NOTCH3: variants seen among roughly 807,000 people sequenced by gnomAD.
NOTCH3 encodes the protein neurogenic locus notch homolog protein 3.
NOTCH3 carries 86 observed loss-of-function variants against 213.3 expected under a neutral mutation model. The ratio of observed to expected loss-of-function variants is 0.40; its 90% CI spans 0.34 to 0.48. The LOEUF (loss-of-function observed/expected upper bound fraction) is 0.48, where lower values mean the gene tolerates loss of function less well. NOTCH3 is among the 20% of genes least tolerant of loss of function. The pLI, the probability that NOTCH3 is intolerant of heterozygous loss-of-function variation, is 0.57. For missense variants in NOTCH3, 2,783 were observed against 3,272.6 expected (o/e 0.85, Z 3.65); for synonymous variants, 1,354 against 1,355.9 (o/e 1.00, Z 0.03).
Position 15,165,232 on chromosome 19 carries a change from G to A in NOTCH3, c.5815+136C>T, listed in dbSNP as rs535934597. The A allele has an allele frequency of 1.1e-6, 1 of 921,406 alleles. No individual in the cohort carries two copies. Among genetic ancestry groups the A allele is most frequent in the African/African-American group, 1.6e-5 (1 of 61,920 alleles). The allele number at this position is 921,406 out of a possible 1,614,324, so 57.1% of individuals were successfully genotyped here. On this transcript the variant is annotated intron_variant, in intron 31 of 32. Transcript: ENST00000263388. The surrounding 1 kb of genome is among the most constrained non-coding windows in gnomAD (Gnocchi z 4.7). ...AGTGGTGACCCTGCATGACCCTGCA[G>A]GCTTCATGAAGCCTGGTTATGTGTG...
chr19:15,185,798 G>C lies in NOTCH3; in HGVS notation c.1952-119C>G. 2.1e-6 allele frequency: 2 copies of C among 957,524 alleles called. No homozygotes were observed. The highest frequency in any genetic ancestry group is 3.2e-6 in the Non-Finnish European group (2 of 615,916). 59.3% of individuals were successfully genotyped at this position (957,524 alleles called of 1,614,324 possible). A position where few individuals can be genotyped will look rare whatever the true frequency, so the allele number is the denominator to read the frequency against. ...CGAGCAATGACCTCTTTTTCATAAC[G>C]CATCAGCTCTTGTGCAGATTAGGAC... On this transcript the variant is annotated intron_variant, in intron 12 of 32. Transcript: ENST00000263388. This position sits in a 1 kb window ranked among gnomAD's most constrained non-coding sequence, Gnocchi z 4.2.
Position 15,160,234 on chromosome 19 carries a change from T to G in NOTCH3, c.*428A>C, listed in dbSNP as rs2046628273. 2 of 240,528 alleles carry G rather than the reference T, an allele frequency of 8.3e-6. No individual in the cohort carries two copies. Among genetic ancestry groups the G allele is most frequent in the Non-Finnish European group, 1.6e-5 (2 of 123,520 alleles). 14.9% of individuals were successfully genotyped at this position (240,528 alleles called of 1,614,324 possible). The stretch of plus-strand genomic sequence containing the variant: ...GGGGGGTTCACAGGGGGAGGGAGCA[T>G]CTCCATATATATATTTTGTAAAAAA... On this transcript the variant is annotated 3_prime_UTR_variant, in exon 33 of 33. Coordinates refer to ENST00000263388, the MANE Select transcript of NOTCH3 (RefSeq NM_000435.3).
At chr19:15,175,619 G>A (rs944159958) in intron 24 of NOTCH3, among the ~76,000 whole-genome samples, 46 of 122,828 alleles carry the variant, frequency 3.7e-4, no homozygotes, top group African/African-American at 8.0e-4. Context: ...ACACACGCAC[G>A]CACACACATA....
At chr19:15,197,747 C>A (rs2046981641) in intron 1 of NOTCH3, among the ~76,000 whole-genome samples, 169 bp from the exon 2 acceptor site, 1 of 143,936 alleles carries the variant, frequency 6.9e-6, no homozygotes, top group Admixed American at 6.9e-5. Context: ...CCCCCCCCCC[C>A]CGCCCCAGCC....
chr19:15,173,979 C>G lies in NOTCH3; in HGVS notation c.4736+89G>C. The G allele has an allele frequency of 7.0e-6, 8 of 1,144,100 alleles. No homozygotes were observed. The South Asian group carries it at 1.2e-4, about 18-fold the overall frequency. 70.9% of individuals were successfully genotyped at this position (1,144,100 alleles called of 1,614,324 possible). A position where few individuals can be genotyped will look rare whatever the true frequency, so the allele number is the denominator to read the frequency against. ...GCTCCTGACATCTGGTGGGTAAAGG[C>G]ATTAAGTGAAATGAAACACACAAGA... On this transcript the variant is annotated intron_variant, in intron 25 of 32. Transcript: ENST00000263388.
At chr19:15,197,441 G>GGGGCGCA in intron 2 of NOTCH3, 59 bp downstream of exon 2, 1 of 768,364 alleles carries the variant, frequency 1.3e-6, no homozygotes, top group Non-Finnish European at 2.3e-6. Context: ...AAGACAAATC[G>GGGGCGCA]CCCCTCCCCC....
At chr19:15,200,329 C>T (rs1037144164) in intron 1 of NOTCH3, among the ~76,000 whole-genome samples, 1 of 151,508 alleles carries the variant, frequency 6.6e-6, no homozygotes, top group African/African-American at 2.4e-5. Flanking sequence ...AACTTCGCGC[C>T]CCCTCCCCAC....
In NOTCH3 at chr19:15,192,441, G is replaced by A. The variant is rs140339246; in HGVS notation, c.276C>T (p.Val92=). 1.1e-5 allele frequency: 18 copies of A among 1,612,618 alleles called. No individual in the cohort carries two copies. In the African/African-American group the frequency reaches 2.4e-4, roughly 22 times the overall value. The change falls in exon 3 of 33, where the codon GTC becomes GTT. Residue 92 remains valine, a synonymous_variant. Transcript: ENST00000263388. The part of the protein sequence containing the change: ...CHSGPCAGRG[V]CQSSVVAGTA... ...TGCCAGCCACCACTGAACTCTGGCA[G>A]ACACCACGGCCAGCACAGGGGCCTG...
intron 17 of NOTCH3, 125 bp from the exon 18 acceptor site, chr19:15,181,287 T>G (rs2046839581): frequency 1.1e-6 from 1 of 906,570 alleles, no homozygotes; most frequent in Non-Finnish European, 1.8e-6. Context: ...GGCAAGAAGC[T>G]GCAGCCCCAG....
intron 24 of NOTCH3, among the ~76,000 whole-genome samples, chr19:15,177,176 G>C (rs1374459866): frequency 6.6e-6 from 1 of 151,708 alleles, no homozygotes; most frequent in Non-Finnish European, 1.5e-5. Flanking sequence ...TTAAACCCGG[G>C]AGGCAGAGGT....
intron 25 of NOTCH3, among the ~76,000 whole-genome samples, chr19:15,173,155 C>T (rs1407024341): frequency 7.2e-6 from 1 of 138,344 alleles, no homozygotes; most frequent in Non-Finnish European, 1.5e-5. Context: ...GGCATGGTGG[C>T]TCACGCCTGT....
rs1381408203 is a variant in NOTCH3 at position 15,161,533 on chromosome 19, C to G, written c.6095G>C (p.Ser2032Thr). The G allele has an allele frequency of 6.2e-7, 1 of 1,602,852 alleles. No individual in the cohort carries two copies. The highest frequency in any genetic ancestry group is 8.5e-7 in the Non-Finnish European group (1 of 1,175,066). ...CCCCAGGCCGTGGGGACCGGGGGGGCTGCGGGGCCCACTGGGTTGATCCAG... is the reference window on the plus strand; with the variant it reads ...CCCCAGGCCGTGGGGACCGGGGGGGGTGCGGGGCCCACTGGGTTGATCCAG... ...RLLDQPSGPR[S>T]PPGPHGLGPL... Residue 2032 changes from serine to threonine, a missense_variant, in exon 33 of 33, where the codon AGC becomes ACC. Ser to Thr is a moderately conservative substitution (Grantham distance 58). This residue lies in a region of NOTCH3 where 441 missense variants were observed against 432.1 expected (regional missense o/e 1.02). Coordinates refer to ENST00000263388, the MANE Select transcript of NOTCH3 (RefSeq NM_000435.3).
In NOTCH3 at chr19:15,180,785, C is replaced by T. The variant is rs2046833459; in HGVS notation, c.3038G>A (p.Gly1013Asp). 1 of 1,609,600 alleles carries T rather than the reference C, an allele frequency of 6.2e-7. No homozygotes were observed. The highest frequency in any genetic ancestry group is 8.5e-7 in the Non-Finnish European group (1 of 1,178,438). Residue 1013 changes from glycine to aspartate, a missense_variant, in exon 19 of 33, where the codon GGT (glycine) becomes GAT (aspartate). Gly to Asp is a moderately conservative substitution (Grantham distance 94). Around this residue, in one of 6 missense-constraint regions of NOTCH3, gnomAD observed 861 missense variants for 909.1 expected, o/e 0.95. Coordinates refer to ENST00000263388, the MANE Select transcript of NOTCH3 (RefSeq NM_000435.3). ...ATAGGCCCCAGTCTGGACGCAGCGACCCCCGTTTTGACAAGGCTGGCGGCT... is the reference window on the plus strand; with the variant it reads ...ATAGGCCCCAGTCTGGACGCAGCGATCCCCGTTTTGACAAGGCTGGCGGCT... ...WCSRQPCQNGGRCVQTGAYCL... is the reference protein window; with the variant it reads ...WCSRQPCQNGDRCVQTGAYCL...
rs766343581 is a variant in NOTCH3 at position 15,179,013 on chromosome 19, G to A, written c.3718+12C>T. 4.3e-6 allele frequency: 7 copies of A among 1,614,182 alleles called. No individual in the cohort carries two copies. The highest frequency in any genetic ancestry group is 1.1e-5 in the South Asian group (1 of 91,088). ...GGCGGGGTCCCAGGCCAGCCCCTTCGCCAACGCTTACCTGAGAAGCCAGCA... is the reference window on the plus strand; with the variant it reads ...GGCGGGGTCCCAGGCCAGCCCCTTCACCAACGCTTACCTGAGAAGCCAGCA... On this transcript the variant is annotated intron_variant, in intron 22 of 32. Transcript: ENST00000263388.
At chr19:15,162,761 G>C (rs865818920) in intron 31 of NOTCH3, among the ~76,000 whole-genome samples, 199 bp from the exon 32 acceptor site, 4 of 28,240 alleles carry the variant, frequency 1.4e-4, no homozygotes, top group African/African-American at 3.1e-4. Flanking sequence ...CTTTGTGTCT[G>C]TGTGTGTGTG....
In NOTCH3 at chr19:15,185,522, G is replaced by A; in HGVS notation, c.2109C>T (p.Pro703=). Residue 703 remains proline (P), a synonymous_variant, in exon 13 of 33, where the codon CCC becomes CCT. Transcript: ENST00000263388. The surrounding 1 kb of genome is among the most constrained non-coding windows in gnomAD (Gnocchi z 4.2). ...LPPSHPCAHE[P]CSHGICYDAP... is the part of the protein sequence containing the mutation. The stretch of plus-strand genomic sequence containing the variant: ...CATCATAGCAGATGCCGTGACTGCA[G>A]GGCTCATGGGCACAGGGATGGCTCG... 1 of 1,613,550 alleles carries A rather than the reference G, an allele frequency of 6.2e-7. No homozygotes were observed. The highest frequency in any genetic ancestry group is 8.5e-7 in the Non-Finnish European group (1 of 1,179,882).
At position 15,178,027 on chromosome 19, in the gene NOTCH3, C is replaced by G. The variant is rs1007755685; in HGVS notation, c.3901G>C (p.Gly1301Arg). The change falls in exon 24 of 33, where the codon GGC becomes CGC. Residue 1301 changes from glycine to arginine, a missense_variant. Around this residue, in one of 6 missense-constraint regions of NOTCH3, gnomAD observed 133 missense variants for 201.9 expected, o/e 0.66. Coordinates refer to ENST00000263388, the MANE Select transcript of NOTCH3 (RefSeq NM_000435.3). ...RSCRELQCPV[G>R]VPCQQTPRGP... ...CGGGGCGTCTGCTGGCATGGGACGC[C>G]CACCGGGCACTGCAGCTCCCGGCAG... 2 of 1,506,966 alleles carry G rather than the reference C, an allele frequency of 1.3e-6. No individual in the cohort carries two copies. The highest frequency in any genetic ancestry group is 2.9e-5 in the African/African-American group (2 of 70,156). The allele number at this position is 1,506,966 out of a possible 1,614,324, so 93.3% of individuals were successfully genotyped here. A position where few individuals can be genotyped will look rare whatever the true frequency, so the allele number is the denominator to read the frequency against.
At position 15,185,164 on chromosome 19, in the gene NOTCH3, A is replaced by C. The variant is rs2046870806; in HGVS notation, c.2296+93T>G. The C allele has an allele frequency of 2.0e-6, 3 of 1,524,254 alleles. No homozygotes were observed. The highest frequency in any genetic ancestry group is 2.7e-6 in the Non-Finnish European group (3 of 1,105,684). The allele number at this position is 1,524,254 out of a possible 1,614,324, so 94.4% of individuals were successfully genotyped here. A position where few individuals can be genotyped will look rare whatever the true frequency, so the allele number is the denominator to read the frequency against. ...AGGGAAATGATTGAAAGCAAAAAAG[A>C]AGCTAACATAGCGGGAGGAGAGAGT... On this transcript the variant is annotated intron_variant, in intron 14 of 32. Coordinates refer to ENST00000263388, the MANE Select transcript of NOTCH3 (RefSeq NM_000435.3). This position sits in a 1 kb window ranked among gnomAD's most constrained non-coding sequence, Gnocchi z 4.2.
Position 15,181,758 on chromosome 19 carries a change from G to C in NOTCH3, c.2610C>G (p.Ser870=). The part of the protein sequence containing the change: ...NGGSCQDGVG[S]FSCSCLPGFA... ...AACCAGGGAGGCAGGAGCAGGAAAA[G>C]GAGCCCACGCCGTCTTGGCACGAGC... Residue 870 remains serine (S), a synonymous_variant, in exon 17 of 33, where the codon TCC becomes TCG. Coordinates refer to ENST00000263388, the MANE Select transcript of NOTCH3 (RefSeq NM_000435.3). 1.3e-6 allele frequency: 2 copies of C among 1,571,772 alleles called. No homozygotes were observed. The highest frequency in any genetic ancestry group is 2.3e-5 in the South Asian group (2 of 85,632).
Sources: allele counts gnomAD v4.1 joint callset (sites outside exome capture counted in the v4.1 genomes callset), GRCh38; gene constraint gnomAD v4.1.1; regional missense constraint gnomAD v4.1.1; non-coding constraint Gnocchi (gnomAD v3.1); transcripts MANE v1.5; gene names NCBI Gene and HGNC (gene_info 2026-07-23, HGNC 2026-07-21).